SYN3: variants seen among roughly 807,000 people sequenced by gnomAD.
The protein encoded by SYN3 is synapsin-3.
Under a neutral mutation model 65.8 loss-of-function variants are expected in SYN3, and 35 were observed. The ratio of observed to expected loss-of-function variants is 0.53; its 90% CI spans 0.41 to 0.70. The LOEUF is 0.70. Ranked by LOEUF, SYN3 falls within the 30% of genes least tolerant of loss-of-function variation. The pLI is 0.00. For synonymous variants in SYN3, 270 were observed against 292.9 expected (o/e 0.92, Z 0.80); for missense variants, 680 against 749.0 (o/e 0.91, Z 1.08).
intron 12 of SYN3, 72 bp downstream of exon 12, chr22:32,527,846 C>T (rs943149604): frequency 4.4e-5 from 58 of 1,320,130 alleles, no homozygotes; most frequent in Non-Finnish European, 5.9e-5. Context: ...GTGGGAATCA[C>T]ATGTGGATCC....
intron 6 of SYN3, among the ~76,000 whole-genome samples, chr22:32,773,406 CAAAAAAAAAAAAAAAA>C (rs61583056): frequency 1.1e-5 from 1 of 91,176 alleles, no homozygotes; most frequent in African/African-American, 4.3e-5. Context: ...GACTCTGTCT[CAAAAAAAAAAAAAAAA>C]AAAAAAAAAA....
rs776803779 is a variant in SYN3 at position 32,508,684 on chromosome 22, A to G, written c.*5008T>C. Among the ~76,000 whole-genome samples the G allele has an allele frequency of 7.2e-5, 11 of 152,174 alleles. No homozygotes were observed. The highest frequency in any genetic ancestry group is 1.2e-4 in the Non-Finnish European group (8 of 68,042). On this transcript the variant is annotated 3_prime_UTR_variant, in exon 14 of 14. Transcript: ENST00000358763. ...TTCTGTTCCTGGGCAAGTGACTTCC[A>G]TATATTGATACTCTTAGAAAAACAT...
chr22:32,516,063 G>T (rs1272422841), intron 13 of SYN3, among the ~76,000 whole-genome samples: 2 of 152,148 alleles, frequency 1.3e-5, no homozygotes, highest in Admixed American at 6.5e-5. Flanking sequence ...CTCCCAAAGT[G>T]TTGGGATTAC....
At chr22:32,783,715 G>C (rs1201306945) in intron 6 of SYN3, among the ~76,000 whole-genome samples, 2 of 152,148 alleles carry the variant, frequency 1.3e-5, no homozygotes, top group Non-Finnish European at 2.9e-5. Context: ...AGTTTTACTT[G>C]CTCTTTATCA....
chr22:32,615,808 C>T (rs1326424364), intron 6 of SYN3, among the ~76,000 whole-genome samples: 1 of 152,206 alleles, frequency 6.6e-6, no homozygotes, highest in Non-Finnish European at 1.5e-5. Flanking sequence ...TGTTTTGGGG[C>T]TCGTTCACAG....
At chr22:32,912,162 AC>A (rs2050067890) in intron 4 of SYN3, among the ~76,000 whole-genome samples, 1 of 152,222 alleles carries the variant, frequency 6.6e-6, no homozygotes, top group Non-Finnish European at 1.5e-5. Flanking sequence ...TCCTCCACTG[AC>A]TCAGTAAAGA....
intron 1 of SYN3, among the ~76,000 whole-genome samples, chr22:33,055,202 C>T (rs1477215817): frequency 6.6e-6 from 1 of 152,230 alleles, no homozygotes; most frequent in Admixed American, 6.5e-5. Context: ...CACAAATATA[C>T]ACTATCACAT....
chr22:32,621,729 A>T (rs2059597134), intron 6 of SYN3, among the ~76,000 whole-genome samples: 1 of 152,146 alleles, frequency 6.6e-6, no homozygotes, highest in Non-Finnish European at 1.5e-5. Flanking sequence ...AGAGAGAGGG[A>T]GAAAGACATT....
chr22:32,940,638 T>C (rs541030917), intron 3 of SYN3, among the ~76,000 whole-genome samples: 1 of 152,362 alleles, frequency 6.6e-6, no homozygotes, highest in South Asian at 2.1e-4. Flanking sequence ...CTCAATAGAA[T>C]TGCATTGGTA....
At chr22:32,915,968 T>C (rs2050175887) in intron 4 of SYN3, among the ~76,000 whole-genome samples, 1 of 152,206 alleles carries the variant, frequency 6.6e-6, no homozygotes, top group Non-Finnish European at 1.5e-5. Context: ...TGCCTGTCTT[T>C]GACCACTAGA....
chr22:32,925,225 C>T (rs2050437336), intron 4 of SYN3, among the ~76,000 whole-genome samples: 1 of 152,208 alleles, frequency 6.6e-6, no homozygotes, highest in Non-Finnish European at 1.5e-5. Flanking sequence ...CTGCTTCCAA[C>T]ATCACAGGGT....
intron 7 of SYN3, among the ~76,000 whole-genome samples, chr22:32,562,821 G>A (rs540147498): frequency 6.6e-6 from 1 of 152,346 alleles, no homozygotes; most frequent in East Asian, 1.9e-4. Flanking sequence ...CAGGTGATTG[G>A]CCCAGGGTCC....
In SYN3 at chr22:32,523,356, C is replaced by CA. The variant is rs547495978; in HGVS notation, c.1318+4561dup. Among the ~76,000 whole-genome samples, 376 of 152,050 alleles carry CA rather than the reference C, an allele frequency of 2.5e-3. 3 individuals carry two copies. Among genetic ancestry groups the CA allele is most frequent in the South Asian group, 5.4e-3 (26 of 4,814 alleles). ...TGACGTCCCTTCTCTACTGAAAATA[C>CA]AAAAAAATTAGCTGGGTGTGGTGGC... On this transcript the variant is annotated intron_variant, in intron 12 of 13. Transcript: ENST00000358763.
At chr22:32,814,132 G>A (rs1389862756) in intron 6 of SYN3, among the ~76,000 whole-genome samples, 1 of 138,278 alleles carries the variant, frequency 7.2e-6, no homozygotes, top group East Asian at 2.1e-4. Context: ...GTGTGTGTGT[G>A]TGTGTGTGTG....
intron 4 of SYN3, among the ~76,000 whole-genome samples, chr22:32,888,011 G>T (rs1337016969): frequency 1.3e-5 from 2 of 152,038 alleles, no homozygotes; most frequent in African/African-American, 4.8e-5. Context: ...ACGACAGTTT[G>T]TACTGTCAGT....
chr22:32,964,136 A>G (rs2051747493), intron 3 of SYN3, among the ~76,000 whole-genome samples: 1 of 151,950 alleles, frequency 6.6e-6, no homozygotes, highest in Non-Finnish European at 1.5e-5. Context: ...TGCTTAGGGA[A>G]GAAAGGAAGG....
At chr22:32,802,544 A>T (rs28431032) in intron 6 of SYN3, among the ~76,000 whole-genome samples, 2 of 151,152 alleles carry the variant, frequency 1.3e-5, no homozygotes, top group Non-Finnish European at 2.9e-5. Context: ...CGCCATGTGC[A>T]CGGAAAGTTG....
chr22:32,832,806 C>T (rs2047616082), intron 6 of SYN3, among the ~76,000 whole-genome samples: 1 of 152,116 alleles, frequency 6.6e-6, no homozygotes, highest in African/African-American at 2.4e-5. Flanking sequence ...TGGCTTCCTG[C>T]AGCCTCAACT....
chr22:32,878,624 A>G (rs1388722608), intron 4 of SYN3, among the ~76,000 whole-genome samples: 1 of 152,146 alleles, frequency 6.6e-6, no homozygotes, highest in East Asian at 1.9e-4. Context: ...CTCTTCTCAC[A>G]CACACTCTCT....
Sources: gnomAD v4.1 joint callset for allele counts (sites outside exome capture counted in the v4.1 genomes callset) on GRCh38, gnomAD v4.1.1 for gene constraint, MANE v1.5 for transcripts, NCBI Gene and HGNC (gene_info 2026-07-23, HGNC 2026-07-21) for gene names.